Variants in PPP1R14D observed in about 807,000 individuals in gnomAD.
The protein encoded by PPP1R14D is protein phosphatase 1 regulatory subunit 14D.
A neutral mutation model predicts 17.1 loss-of-function variants in PPP1R14D; 14 were observed. That is an observed-to-expected ratio of 0.82 (90% CI 0.54 to 1.28). The LOEUF is 1.28. Ranked by LOEUF, PPP1R14D falls within the 50% of genes most tolerant of loss-of-function variation. The pLI, the probability that PPP1R14D is intolerant of heterozygous loss-of-function variation, is 0.00. For synonymous variants in PPP1R14D, 67 were observed against 66.1 expected (o/e 1.01, Z -0.06); for missense variants, 173 against 179.2 (o/e 0.97, Z 0.20).
intron 1 of PPP1R14D, chr15:40,817,296 G>T: frequency 3.5e-6 from 1 of 285,446 alleles, no homozygotes; most frequent in Non-Finnish European, 7.7e-6. Flanking sequence ...GGCAGAAGTT[G>T]CAGAGAATGG....
intron 1 of PPP1R14D, among the ~76,000 whole-genome samples, chr15:40,827,813 C>A (rs1890894634): frequency 6.6e-6 from 1 of 152,152 alleles, no homozygotes; most frequent in South Asian, 2.1e-4. Context: ...GTAGTCCCAG[C>A]TACTCAGGAG....
intron 1 of PPP1R14D, 91 bp from the exon 2 acceptor site, chr15:40,816,344 A>G: frequency 1.9e-6 from 2 of 1,027,566 alleles, no homozygotes; most frequent in Admixed American, 1.8e-5. Context: ...CCTCTCTCCA[A>G]TTTCCCATGG....
chr15:40,821,383 T>A (rs546736008), intron 1 of PPP1R14D, among the ~76,000 whole-genome samples: 2 of 149,388 alleles, frequency 1.3e-5, no homozygotes, highest in Non-Finnish European at 3.0e-5. Context: ...AGAAGAAAAA[T>A]TGCATATTTT....
intron 1 of PPP1R14D, among the ~76,000 whole-genome samples, chr15:40,827,971 CAAAG>C (rs1566844779): frequency 6.7e-6 from 1 of 149,380 alleles, no homozygotes; most frequent in African/African-American, 2.5e-5. Flanking sequence ...AAGAAAGAAA[CAAAG>C]AAAAAGAAAA....
chr15:40,825,224 G>T (rs1235962777), intron 1 of PPP1R14D, among the ~76,000 whole-genome samples: 2 of 151,628 alleles, frequency 1.3e-5, no homozygotes, highest in African/African-American at 4.8e-5. Flanking sequence ...GGCGGAGGTT[G>T]CAGTGAGCCA....
At chr15:40,825,484 A>G (rs1180212034) in intron 1 of PPP1R14D, among the ~76,000 whole-genome samples, 4 of 151,966 alleles carry the variant, frequency 2.6e-5, no homozygotes, top group African/African-American at 9.7e-5. Flanking sequence ...TCCTCTGAAG[A>G]CCCCACACCA....
At chr15:40,818,792 C>T (rs1441456249) in intron 1 of PPP1R14D, among the ~76,000 whole-genome samples, 1 of 152,198 alleles carries the variant, frequency 6.6e-6, no homozygotes, top group Non-Finnish European at 1.5e-5. Context: ...ATGTCATGCA[C>T]ATTTGTCCAA....
rs574010920 is a variant in PPP1R14D, at chr15:40,816,011, A to C, written c.340-17T>G. 20 of 1,613,998 alleles carry C rather than the reference A, an allele frequency of 1.2e-5. No homozygotes were observed. The African/African-American group carries it at 1.6e-4, about 13-fold the overall frequency. ...AAGAATGGCCTAGATAGGAGAGAAC[A>C]CAGACAGGGCCCCAAGTCACAGCAC... On this transcript the variant is annotated splice_polypyrimidine_tract_variant and intron_variant, in intron 2 of 3. Transcript: ENST00000299174.
chr15:40,816,791 A>G (rs1468857533), intron 1 of PPP1R14D, among the ~76,000 whole-genome samples: 1 of 151,154 alleles, frequency 6.6e-6, no homozygotes, highest in African/African-American at 2.4e-5. Context: ...AGAATTATTG[A>G]CCAGGCACAG....
rs1890661484 is a variant in PPP1R14D, at chr15:40,816,256, A to G, written c.256-3T>C. 6.2e-7 allele frequency: 1 copy of G among 1,613,638 alleles called. No individual in the cohort carries two copies. Among genetic ancestry groups the G allele is most frequent in the Non-Finnish European group, 8.5e-7 (1 of 1,179,582 alleles). On this transcript the variant is annotated splice_polypyrimidine_tract_variant and splice_region_variant and intron_variant, in intron 1 of 3. Transcript: ENST00000299174. ...GGCTCAGAAGGGGTTGCTTGATCCT[A>G]TTTGGAAATCACATGGGTCTCAGAG...
rs138876427 is a variant in PPP1R14D at position 40,816,042 on chromosome 15, C to T, written c.340-48G>A. Reference sequence around the variant, plus strand: ...AGGGCCCCAAGTCACAGCACTTTCCCGCAAGTCCCCACCAATCTCCCAAGA... The same window carrying T: ...AGGGCCCCAAGTCACAGCACTTTCCTGCAAGTCCCCACCAATCTCCCAAGA... On this transcript the variant is annotated intron_variant, in intron 2 of 3. Transcript: ENST00000299174. 2,464 of 1,609,624 alleles carry T rather than the reference C, an allele frequency of 1.5e-3. 11 individuals are homozygous for T. Among genetic ancestry groups the T allele is most frequent in the African/African-American group, 9.8e-3 (734 of 74,930 alleles).
In PPP1R14D at chr15:40,828,491, A is replaced by T. The variant is rs1158105403; in HGVS notation, c.151T>A (p.Ser51Thr). 5 of 1,614,178 alleles carry T rather than the reference A, an allele frequency of 3.1e-6. No homozygotes were observed. In the South Asian group the frequency reaches 4.4e-5, roughly 14 times the overall value. Reference sequence around the variant, plus strand: ...ACTGTCAGGCGGCTGGGTCTCCGGGACCTGGGTATCTTGGAGGAGTCCGGG... The same window carrying T: ...ACTGTCAGGCGGCTGGGTCTCCGGGTCCTGGGTATCTTGGAGGAGTCCGGG... Reference protein sequence around the residue: ...SHPDSSKIPRSRRPSRLTVKY... With the variant: ...SHPDSSKIPRTRRPSRLTVKY... Residue 51 changes from serine (S) to threonine (T), a missense_variant, in exon 1 of 4, where the codon TCC becomes ACC. Transcript: ENST00000299174.
At chr15:40,819,029 G>A (rs1157304670) in intron 1 of PPP1R14D, among the ~76,000 whole-genome samples, 3 of 151,942 alleles carry the variant, frequency 2.0e-5, no homozygotes, top group Non-Finnish European at 4.4e-5. Flanking sequence ...CTAAAAAATA[G>A]GTCTATTAAA....
Position 40,816,101 on chromosome 15 carries a change from C to T in PPP1R14D, c.339+69G>A, listed in dbSNP as rs1596123175. On this transcript the variant is annotated intron_variant, in intron 2 of 3. Transcript: ENST00000299174. ...CTCTGGATTGGTTCTCTGCACTCCACCAAAGGAGGCAGAACCTGGGTTTCT... is the reference window on the plus strand; with the variant it reads ...CTCTGGATTGGTTCTCTGCACTCCATCAAAGGAGGCAGAACCTGGGTTTCT... 3.1e-6 allele frequency: 5 copies of T among 1,598,956 alleles called. No homozygotes were observed. In the East Asian group the frequency reaches 1.1e-4, roughly 36 times the overall value.
chr15:40,826,581 G>T (rs1192909507), intron 1 of PPP1R14D, among the ~76,000 whole-genome samples: 1 of 152,126 alleles, frequency 6.6e-6, no homozygotes, highest in Non-Finnish European at 1.5e-5. Flanking sequence ...CAAATAAGTG[G>T]CCAGGCTCCA....
chr15:40,818,781 C>A (rs557072376), intron 1 of PPP1R14D, among the ~76,000 whole-genome samples: 2 of 152,188 alleles, frequency 1.3e-5, no homozygotes, highest in Admixed American at 6.5e-5. Context: ...ACGGTGGATA[C>A]ATGTCATGCA....
intron 1 of PPP1R14D, among the ~76,000 whole-genome samples, chr15:40,825,783 G>GA (rs1451454359): frequency 6.6e-6 from 1 of 152,196 alleles, no homozygotes; most frequent in Non-Finnish European, 1.5e-5. Flanking sequence ...GATTGGGAGA[G>GA]AAACTGCCAC....
chr15:40,823,743 G>A (rs1393418644), intron 1 of PPP1R14D, among the ~76,000 whole-genome samples: 1 of 152,068 alleles, frequency 6.6e-6, no homozygotes, highest in Non-Finnish European at 1.5e-5. Flanking sequence ...CTAGGTCTGT[G>A]TACATACACT....
chr15:40,815,936 C>A lies in PPP1R14D; in HGVS notation c.372+26G>T, dbSNP rs1890652082. 3 of 1,613,634 alleles carry A rather than the reference C, an allele frequency of 1.9e-6. No individual in the cohort carries two copies. The East Asian group carries it at 6.7e-5, about 36-fold the overall frequency. On this transcript the variant is annotated intron_variant, in intron 3 of 3. Coordinates refer to ENST00000299174, the MANE Select transcript of PPP1R14D (RefSeq NM_017726.8). ...TCCCCCATTGGGCCTCCTCTTACCC[C>A]AGACCAGCAGAAGAACATCCCTTAC...
Sources: allele counts gnomAD v4.1 joint callset (sites outside exome capture counted in the v4.1 genomes callset), GRCh38; gene constraint gnomAD v4.1.1; transcripts MANE v1.5; gene names NCBI Gene and HGNC (gene_info 2026-07-23, HGNC 2026-07-21).